USH2A: variants seen among roughly 807,000 people sequenced by gnomAD.
USH2A encodes the protein Usher syndrome 2A (autosomal recessive, mild).
USH2A carries 443 observed loss-of-function variants against 538.9 expected under a neutral mutation model. The observed-to-expected ratio is 0.82, with a 90% CI of 0.76 to 0.89. The LOEUF (loss-of-function observed/expected upper bound fraction) is 0.89. Ranked by LOEUF, USH2A falls within the 40% of genes least tolerant of loss-of-function variation. The probability of loss-of-function intolerance (pLI) is 0.00; values close to 1 mark genes in which losing one functional copy is unlikely to be tolerated. For synonymous variants in USH2A, 2,413 were observed against 2,273.5 expected (o/e 1.06, Z -1.75); for missense variants, 6,633 against 6,324.8 (o/e 1.05, Z -1.65).
chr1:215,654,574 T>A lies in USH2A; in HGVS notation c.14134-3773A>T, dbSNP rs191988720. ...TTCCCTAGTCGTTAATAATGAAAAG[T>A]TAGGACTGACTGACTTGTTGATTTA... On this transcript the variant is annotated intron_variant, in intron 64 of 71. Coordinates refer to ENST00000307340, the MANE Select transcript of USH2A (RefSeq NM_206933.4). Among the ~76,000 whole-genome samples the A allele has an allele frequency of 3.1e-3, 473 of 152,324 alleles. 3 individuals carry two copies. Among genetic ancestry groups the A allele is most frequent in the African/African-American group, 0.011 (458 of 41,566 alleles).
chr1:215,852,276 G>A lies in USH2A; in HGVS notation c.8846-6243C>T, dbSNP rs147935986. Among the ~76,000 whole-genome samples the A allele has an allele frequency of 1.2e-4, 19 of 152,254 alleles. 1 individual carries two copies. The highest frequency in any genetic ancestry group is 1.1e-3 in the Admixed American group (17 of 15,292). ...TGGCAGACAAGAAATGAGAGCTTGT[G>A]CAGGGAAACTCCCCTTTATAAAACC... On this transcript the variant is annotated intron_variant, in intron 44 of 71. Coordinates refer to ENST00000307340, the MANE Select transcript of USH2A (RefSeq NM_206933.4).
At chr1:215,664,208 G>A (rs924673739) in intron 64 of USH2A, among the ~76,000 whole-genome samples, 2 of 152,010 alleles carry the variant, frequency 1.3e-5, no homozygotes, top group African/African-American at 4.8e-5. Context: ...GTTTTCTCAG[G>A]AACATAAATG....
chr1:215,692,487 C>T (rs1416666224), intron 61 of USH2A, among the ~76,000 whole-genome samples: 1 of 152,008 alleles, frequency 6.6e-6, no homozygotes, highest in Admixed American at 6.5e-5. Flanking sequence ...TTTCTTCTCA[C>T]TTTGCATATG....
At position 215,878,858 on chromosome 1, in the gene USH2A, G is replaced by A. The variant is rs1401769592; in HGVS notation, c.8464C>T (p.Gln2822Ter). 1.2e-6 allele frequency: 2 copies of A among 1,614,068 alleles called. No individual in the cohort carries two copies. The highest frequency in any genetic ancestry group is 1.7e-6 in the Non-Finnish European group (2 of 1,179,976). The change falls in exon 42 of 72, where the codon CAG becomes TAG. Residue 2822 changes from glutamine to a stop codon, truncating the protein, a stop_gained. Coordinates refer to ENST00000307340, the MANE Select transcript of USH2A (RefSeq NM_206933.4). LOFTEE classifies it high-confidence loss of function. The part of the protein sequence containing the change: ...TYVTTHPTVP[Q>*]NVGPLSVIPL... ...ATCACAGACAATGGGCCAACATTCT[G>A]AGGTACGGTGGGGTGAGTGGTAACA... is the stretch of plus-strand genomic sequence containing the variant.
At chr1:216,294,686 A>G (rs1431483758) in intron 9 of USH2A, among the ~76,000 whole-genome samples, 1 of 151,866 alleles carries the variant, frequency 6.6e-6, no homozygotes, top group East Asian at 1.9e-4. Context: ...TTAAACTCAT[A>G]CTCACACCAG....
chr1:216,236,832 G>A lies in USH2A; in HGVS notation c.2810-4696C>T, dbSNP rs543296696. ...TCTTAAACAAAGGACATAATAATATGCTCATGTAAGGGAAAACATTATTGG... is the reference window on the plus strand; with the variant it reads ...TCTTAAACAAAGGACATAATAATATACTCATGTAAGGGAAAACATTATTGG... On this transcript the variant is annotated intron_variant, in intron 13 of 71. Coordinates refer to ENST00000307340, the MANE Select transcript of USH2A (RefSeq NM_206933.4). Among the ~76,000 whole-genome samples the A allele has an allele frequency of 1.1e-4, 17 of 152,166 alleles. No individual in the cohort carries two copies. The South Asian group carries it at 3.1e-3, about 28-fold the overall frequency.
chr1:215,664,897 A>G (rs902319079), intron 64 of USH2A, among the ~76,000 whole-genome samples: 2 of 152,192 alleles, frequency 1.3e-5, no homozygotes, highest in African/African-American at 2.4e-5. Context: ...TGGGAAATAA[A>G]TATTTGTTAT....
At chr1:215,726,306 A>G (rs1659815405) in intron 61 of USH2A, among the ~76,000 whole-genome samples, 1 of 152,192 alleles carries the variant, frequency 6.6e-6, no homozygotes. Flanking sequence ...AGGAACTAGA[A>G]GACATAATAT....
At chr1:216,080,867 G>A (rs915496279) in intron 26 of USH2A, among the ~76,000 whole-genome samples, 1 of 151,684 alleles carries the variant, frequency 6.6e-6, no homozygotes, top group Non-Finnish European at 1.5e-5. Flanking sequence ...CGGTCAAGTT[G>A]ATAGAGAGAC....
intron 21 of USH2A, among the ~76,000 whole-genome samples, chr1:216,111,806 T>C (rs767544874): frequency 6.6e-6 from 1 of 151,624 alleles, no homozygotes; most frequent in Non-Finnish European, 1.5e-5. Flanking sequence ...TATTTTCTTA[T>C]TCTTGCACAC....
chr1:216,199,819 T>C lies in USH2A; in HGVS notation c.3619A>G (p.Ile1207Val). ...TTGGCAAATGGAACCAGATTCCAGA[T>C]GGTAGCTGAGGTTTCATGACCTTCG... ...SYEGHETSAT[I>V]WNLVPFAKYD... is the part of the protein sequence containing the mutation. Residue 1207 changes from isoleucine to valine, a missense_variant, in exon 17 of 72, where the codon ATC becomes GTC. Transcript: ENST00000307340. The C allele has an allele frequency of 6.2e-7, 1 of 1,614,144 alleles. No homozygotes were observed. Among genetic ancestry groups the C allele is most frequent in the South Asian group, 1.1e-5 (1 of 91,084 alleles).
chr1:216,341,362 A>G (rs1319725311), intron 4 of USH2A, among the ~76,000 whole-genome samples: 1 of 152,146 alleles, frequency 6.6e-6, no homozygotes, highest in African/African-American at 2.4e-5. Context: ...AAACAAATGG[A>G]AAAACATTCC....
rs897259927 is a variant in USH2A, at chr1:215,675,632, A to G, written c.12295-16T>C. On this transcript the variant is annotated splice_polypyrimidine_tract_variant and intron_variant, in intron 62 of 71. Transcript: ENST00000307340. ...TGTTGTATGTCTACAGAAGGACAGA[A>G]GCAAAAGGGATAACTTGCAGCATAC... is the stretch of plus-strand genomic sequence containing the variant. 6.2e-7 allele frequency: 1 copy of G among 1,613,980 alleles called. No homozygotes were observed. The highest frequency in any genetic ancestry group is 1.3e-5 in the African/African-American group (1 of 74,928).
At chr1:215,836,506 T>TAA in intron 47 of USH2A, among the ~76,000 whole-genome samples, 1 of 18,318 alleles carries the variant, frequency 5.5e-5, no homozygotes, top group South Asian at 1.9e-3. Context: ...ATAATATATA[T>TAA]TATATATATA....
chr1:216,351,480 G>T (rs1454081200), intron 4 of USH2A, among the ~76,000 whole-genome samples: 2 of 152,170 alleles, frequency 1.3e-5, no homozygotes, highest in Non-Finnish European at 2.9e-5. Context: ...AGGCCAATTT[G>T]TGTAAAACAA....
chr1:215,942,759 C>G (rs1432257910), intron 37 of USH2A, among the ~76,000 whole-genome samples: 2 of 152,066 alleles, frequency 1.3e-5, no homozygotes, highest in Non-Finnish European at 2.9e-5. Flanking sequence ...ACTTTGTTCC[C>G]AGAGGAAGGA....
intron 38 of USH2A, among the ~76,000 whole-genome samples, chr1:215,905,186 A>G (rs1219196208): frequency 6.6e-6 from 1 of 152,100 alleles, no homozygotes; most frequent in Non-Finnish European, 1.5e-5. Context: ...GTGGCTACCA[A>G]GTCTGTGGGG....
At chr1:216,391,005 C>T (rs907416371) in intron 3 of USH2A, among the ~76,000 whole-genome samples, 5 of 152,092 alleles carry the variant, frequency 3.3e-5, no homozygotes, top group African/African-American at 9.7e-5. Flanking sequence ...TATAGATTTA[C>T]ACATGCAATA....
At chr1:215,790,650 G>A (rs1040885711) in intron 50 of USH2A, among the ~76,000 whole-genome samples, 2 of 152,160 alleles carry the variant, frequency 1.3e-5, no homozygotes, top group Non-Finnish European at 2.9e-5. Flanking sequence ...CTCTGAGAAA[G>A]CTCTAGAAAT....
Sources: allele counts gnomAD v4.1 joint callset (sites outside exome capture counted in the v4.1 genomes callset), GRCh38; gene constraint gnomAD v4.1.1; transcripts MANE v1.5; gene names NCBI Gene and HGNC (gene_info 2026-07-23, HGNC 2026-07-21).